PRSS23: variants seen among roughly 807,000 people sequenced by gnomAD.
The protein encoded by PRSS23 is serine protease 23, also known as protease, serine 23.
A neutral mutation model predicts 34.7 loss-of-function variants in PRSS23; 25 were observed. The ratio of observed to expected loss-of-function variants is 0.72; its 90% CI spans 0.53 to 1.01. The LOEUF is 1.01. Ranked by LOEUF, PRSS23 falls within the 50% of genes least tolerant of loss-of-function variation. PRSS23 has a pLI of 0.00. For missense variants in PRSS23, 445 were observed against 475.6 expected (o/e 0.94, Z 0.60); for synonymous variants, 176 against 186.6 (o/e 0.94, Z 0.46).
intron 2 of PRSS23, among the ~76,000 whole-genome samples, chr11:86,859,817 G>C (rs1452525238): frequency 2.6e-5 from 4 of 151,438 alleles, no homozygotes; most frequent in African/African-American, 7.3e-5. Context: ...AGAATGTTAT[G>C]ACTCCCAATA....
intron 1 of PRSS23, chr11:86,821,446 G>C: frequency 5.7e-6 from 9 of 1,573,478 alleles, no homozygotes; most frequent in Non-Finnish European, 7.9e-6. Context: ...CATCAAGTAT[G>C]TGTCTGGTAT....
At chr11:86,907,514 T>C (rs775803728) in intron 2 of PRSS23, among the ~76,000 whole-genome samples, 21 of 152,164 alleles carry the variant, frequency 1.4e-4, no homozygotes, top group Non-Finnish European at 2.8e-4. Context: ...TCACCCAGGC[T>C]AGAGCACACT....
At chr11:86,892,270 A>C (rs1948847065) in intron 2 of PRSS23, 1 of 152,260 alleles carries the variant, frequency 6.6e-6, no homozygotes, top group Non-Finnish European at 1.5e-5. Context: ...ACACTTGGTC[A>C]TCTCTCTGTA....
intron 2 of PRSS23, among the ~76,000 whole-genome samples, chr11:86,931,096 A>G (rs1174747964): frequency 6.6e-6 from 1 of 152,226 alleles, no homozygotes; most frequent in Non-Finnish European, 1.5e-5. Context: ...TCTGGAGCCT[A>G]TGAGGAGAAA....
intron 2 of PRSS23, among the ~76,000 whole-genome samples, chr11:86,834,485 C>G (rs1157311480): frequency 6.6e-6 from 1 of 151,860 alleles, no homozygotes; most frequent in Non-Finnish European, 1.5e-5. Flanking sequence ...GCTTCAATAT[C>G]TGCTTGGTGA....
intron 1 of PRSS23, among the ~76,000 whole-genome samples, chr11:86,801,434 C>T (rs1948036648): frequency 6.6e-6 from 1 of 152,162 alleles, no homozygotes; most frequent in Admixed American, 6.5e-5. Flanking sequence ...GATAAAAATC[C>T]TGTTTGTTTT....
intron 2 of PRSS23, among the ~76,000 whole-genome samples, chr11:86,939,355 T>G (rs1368916504): frequency 1.7e-5 from 2 of 118,836 alleles, no homozygotes; most frequent in Non-Finnish European, 3.8e-5. Flanking sequence ...AACACTGACC[T>G]CAGGAGAATA....
At chr11:86,939,389 C>A (rs1949186153) in intron 2 of PRSS23, among the ~76,000 whole-genome samples, 1 of 42,480 alleles carries the variant, frequency 2.4e-5, no homozygotes, top group Non-Finnish European at 7.3e-5. Flanking sequence ...TCCTATTTCT[C>A]AGTTAAAAAA....
chr11:86,793,670 T>C (rs1157824647), intron 1 of PRSS23, among the ~76,000 whole-genome samples: 2 of 152,218 alleles, frequency 1.3e-5, no homozygotes, highest in East Asian at 3.8e-4. Flanking sequence ...CTGTTCCTAG[T>C]GGCTGGCAAG....
At chr11:86,851,547 C>G (rs1948529508) in intron 2 of PRSS23, among the ~76,000 whole-genome samples, 1 of 152,218 alleles carries the variant, frequency 6.6e-6, no homozygotes, top group South Asian at 2.1e-4. Flanking sequence ...TGGCCAAATG[C>G]CATGAGTCTG....
intron 2 of PRSS23, among the ~76,000 whole-genome samples, chr11:86,824,703 C>T (rs1439343946): frequency 3.5e-5 from 5 of 142,004 alleles, no homozygotes; most frequent in Admixed American, 7.6e-5. Flanking sequence ...TTGTTCAATT[C>T]CCACCTATGA....
intron 2 of PRSS23, among the ~76,000 whole-genome samples, chr11:86,905,849 T>G (rs1157596372): frequency 6.6e-6 from 1 of 152,150 alleles, no homozygotes; most frequent in Non-Finnish European, 1.5e-5. Flanking sequence ...ATGACCCCTT[T>G]GCACCAACCC....
At chr11:86,903,979 T>C (rs1948927079) in intron 2 of PRSS23, among the ~76,000 whole-genome samples, 2 of 152,154 alleles carry the variant, frequency 1.3e-5, no homozygotes, top group Admixed American at 1.3e-4. Context: ...ATAGGGCTGC[T>C]TGAATTGATA....
intron 2 of PRSS23, among the ~76,000 whole-genome samples, chr11:86,853,334 A>C (rs192102077): frequency 7.7e-6 from 1 of 130,264 alleles, no homozygotes; most frequent in Non-Finnish European, 1.6e-5. Context: ...GGCTCACCGC[A>C]ACCTCCGCCT....
At chr11:86,931,985 A>T (rs1949129193) in intron 2 of PRSS23, among the ~76,000 whole-genome samples, 1 of 152,192 alleles carries the variant, frequency 6.6e-6, no homozygotes, top group African/African-American at 2.4e-5. Context: ...CAAACCATGA[A>T]GCTCTATGCA....
exon 3 of PRSS23, chr11:86,951,440 A>T (rs754977266): frequency 6.2e-7 from 1 of 1,613,412 alleles, no homozygotes; most frequent in Non-Finnish European, 8.5e-7. Context: ...TACTGAGAAC[A>T]CCCCAATCTT....
At chr11:86,795,876 T>G (rs1349919342), upstream of PRSS23, among the ~76,000 whole-genome samples, 1 of 152,214 alleles carries the variant, frequency 6.6e-6, no homozygotes, top group East Asian at 1.9e-4. Context: ...TTTTGATAAC[T>G]TTCAAACTGA....
At chr11:86,841,355 A>T (rs71465666) in intron 2 of PRSS23, among the ~76,000 whole-genome samples, 162 of 129,352 alleles carry the variant, frequency 1.3e-3, no homozygotes, top group Non-Finnish European at 2.1e-3. Context: ...AAAAAAAAGA[A>T]GAAGAAAAAA....
At chr11:86,799,580 C>T (rs1948005899), upstream of PRSS23, among the ~76,000 whole-genome samples, 1 of 152,156 alleles carries the variant, frequency 6.6e-6, no homozygotes, top group African/African-American at 2.4e-5. Context: ...AAGCTCTTGA[C>T]CGAAAACGCT....
Sources: gnomAD v4.1 joint callset for allele counts (sites outside exome capture counted in the v4.1 genomes callset) on GRCh38, gnomAD v4.1.1 for gene constraint, MANE v1.5 for transcripts, NCBI Gene and HGNC (gene_info 2026-07-23, HGNC 2026-07-21) for gene names.